Variants in PNPLA8 observed in about 807,000 individuals in gnomAD.
The protein encoded by PNPLA8 is patatin like domain 8, phospholipase A2, also known as calcium-independent phospholipase A2-gamma.
In PNPLA8, 39 loss-of-function variants were observed where a neutral mutation model predicts 76.9. The observed-to-expected ratio is 0.51, with a 90% CI of 0.39 to 0.66. The LOEUF (loss-of-function observed/expected upper bound fraction) is 0.66. Ranked by LOEUF, PNPLA8 falls within the 30% of genes least tolerant of loss-of-function variation. PNPLA8 has a pLI of 0.00. For missense variants in PNPLA8, 887 were observed against 918.0 expected (o/e 0.97, Z 0.44); for synonymous variants, 301 against 307.9 (o/e 0.98, Z 0.24).
intron 4 of PNPLA8, chr7:108,511,121 T>C (rs1372657494): frequency 1.6e-6 from 1 of 608,824 alleles, no homozygotes; most frequent in Non-Finnish European, 2.8e-6. Context: ...GTAAAATTTG[T>C]AAAATTTGCC....
At chr7:108,477,036 T>A (rs1468846519) in intron 10 of PNPLA8, among the ~76,000 whole-genome samples, 1 of 152,178 alleles carries the variant, frequency 6.6e-6, no homozygotes, top group East Asian at 1.9e-4. Flanking sequence ...CAGTTATGAC[T>A]ACCTACTAGA....
At chr7:108,493,250 C>T (rs1231768270) in intron 7 of PNPLA8, among the ~76,000 whole-genome samples, 1 of 151,736 alleles carries the variant, frequency 6.6e-6, no homozygotes, top group Admixed American at 6.6e-5. Flanking sequence ...GCCAGAAGAG[C>T]AAAAATGAGA....
chr7:108,477,154 A>C lies in PNPLA8; in HGVS notation c.2074+2030T>G, dbSNP rs1598864529. On this transcript the variant is annotated intron_variant, in intron 10 of 10. Coordinates refer to ENST00000257694, the MANE Select transcript of PNPLA8 (RefSeq NM_001256007.3). ...TTAAGTGTTCTTACCAGGCACACAC[A>C]AAATAGTAACTACGTCAGGTGACAG... 5.3e-5 allele frequency among the ~76,000 whole-genome samples: 8 copies of C among 152,338 alleles called. 2 individuals are homozygous for C. Among genetic ancestry groups the C allele is most frequent in the Admixed American group, 5.2e-4 (8 of 15,290 alleles).
chr7:108,526,129 A>C lies in PNPLA8; in HGVS notation c.-230T>G. The C allele has an allele frequency of 2.0e-6, 2 of 980,916 alleles. No homozygotes were observed. The highest frequency in any genetic ancestry group is 2.4e-6 in the Non-Finnish European group (2 of 825,690). 60.8% of individuals were successfully genotyped at this position (980,916 alleles called of 1,614,324 possible). The stretch of plus-strand genomic sequence containing the variant: ...CCTGCATCAGCTGAGCTTCCAACAC[A>C]AACACTGGCGCAGCAGCTAGGTCGC... On this transcript the variant is annotated 5_prime_UTR_variant, in exon 1 of 11. Transcript: ENST00000257694.
At chr7:108,481,610 T>C (rs1229482706) in intron 9 of PNPLA8, among the ~76,000 whole-genome samples, 1 of 152,234 alleles carries the variant, frequency 6.6e-6, no homozygotes, top group Non-Finnish European at 1.5e-5. Flanking sequence ...AATTTGCAAG[T>C]ATTTTCTTCC....
chr7:108,516,774 C>T (rs543583642), intron 2 of PNPLA8, among the ~76,000 whole-genome samples: 1 of 152,104 alleles, frequency 6.6e-6, no homozygotes, highest in African/African-American at 2.4e-5. Context: ...TGGTGGTGCA[C>T]GTCGGTAATC....
At chr7:108,480,624 C>T (rs757974566) in intron 9 of PNPLA8, 2 of 286,090 alleles carry the variant, frequency 7.0e-6, no homozygotes, top group Non-Finnish European at 1.5e-5. Context: ...CTTGGAATTA[C>T]CCTAGTTCAG....
At chr7:108,502,360 T>C (rs1033119395) in intron 5 of PNPLA8, 131 bp downstream of exon 5, 49 of 710,862 alleles carry the variant, frequency 6.9e-5, no homozygotes, top group Non-Finnish European at 1.0e-4. Context: ...GGAGAATCGC[T>C]TGAACCTGGG....
chr7:108,520,513 T>A (rs1863659847), intron 2 of PNPLA8, among the ~76,000 whole-genome samples: 1 of 152,098 alleles, frequency 6.6e-6, no homozygotes, highest in African/African-American at 2.4e-5. Flanking sequence ...TTAGAAGTAA[T>A]GAGTTATAGT....
rs1020852005 is a variant in PNPLA8, at chr7:108,510,650, G to C, written c.1206+3494C>G. 4 of 1,585,630 alleles carry C rather than the reference G, an allele frequency of 2.5e-6. No individual in the cohort carries two copies. In the African/African-American group the frequency reaches 4.0e-5, roughly 16 times the overall value. ...GCTGAGGATTGTAGAGCCATATATTGCATGGGGGTACCCCAATCTGAAGTC... is the reference window on the plus strand; with the variant it reads ...GCTGAGGATTGTAGAGCCATATATTCCATGGGGGTACCCCAATCTGAAGTC... On this transcript the variant is annotated intron_variant, in intron 4 of 10. Transcript: ENST00000257694.
chr7:108,492,157 T>G (rs142054371), intron 7 of PNPLA8, among the ~76,000 whole-genome samples: 3 of 152,362 alleles, frequency 2.0e-5, no homozygotes. Flanking sequence ...TTCACCAGCC[T>G]TCCTCATGAG....
chr7:108,515,703 T>A, intron 2 of PNPLA8, 129 bp from the exon 3 acceptor site: 2 of 371,946 alleles, frequency 5.4e-6, no homozygotes, highest in Non-Finnish European at 4.5e-6. Context: ...ATTCCTATTA[T>A]AGCTGATAGA....
intron 5 of PNPLA8, among the ~76,000 whole-genome samples, chr7:108,500,320 T>C (rs574468627): frequency 2.0e-3 from 311 of 152,308 alleles, no homozygotes; most frequent in Non-Finnish European, 3.5e-3. Context: ...ACTAGAATAA[T>C]CTCTCCAGTT....
chr7:108,515,320 T>C lies in PNPLA8; in HGVS notation c.172A>G (p.Lys58Glu), dbSNP rs543336680. Residue 58 changes from lysine to glutamate, a missense_variant, in exon 3 of 11, where the codon AAA becomes GAA. Physicochemically the swap from Lys to Glu is moderately conservative, Grantham distance 56 (BLOSUM62 1). Coordinates refer to ENST00000257694, the MANE Select transcript of PNPLA8 (RefSeq NM_001256007.3). ...RGFHTNIIRC[K>E]WTKSEAHSCS... Reference sequence around the variant, plus strand: ...GAATGTGCTTCACTTTTGGTCCATTTACATCTTATTATGTTTGTATGAAAA... The same window carrying C: ...GAATGTGCTTCACTTTTGGTCCATTCACATCTTATTATGTTTGTATGAAAA... 1 of 1,613,456 alleles carries C rather than the reference T, an allele frequency of 6.2e-7. No homozygotes were observed. The highest frequency in any genetic ancestry group is 1.7e-5 in the Admixed American group (1 of 59,800).
chr7:108,487,151 A>G (rs1181083291), intron 9 of PNPLA8, among the ~76,000 whole-genome samples: 3 of 152,194 alleles, frequency 2.0e-5, no homozygotes, highest in Non-Finnish European at 4.4e-5. Context: ...GTACACATGA[A>G]TTTAAAAGAG....
chr7:108,489,066 CAT>C (rs1179155750), intron 8 of PNPLA8, among the ~76,000 whole-genome samples: 1 of 152,208 alleles, frequency 6.6e-6, no homozygotes, highest in African/African-American at 2.4e-5. Context: ...ATTAAGAAAA[CAT>C]ATGAGTGGCT....
In PNPLA8 at chr7:108,518,495, T is replaced by G. The variant is rs532353456; in HGVS notation, c.-83-2921A>C. ...ACCAGGAATGAACCCAAATGTACAC[T>G]ATGAACTTGGGGGACTGCGTGTGAA... On this transcript the variant is annotated intron_variant, in intron 2 of 10. Transcript: ENST00000257694. Among the ~76,000 whole-genome samples, 184 of 152,022 alleles carry G rather than the reference T, an allele frequency of 1.2e-3. 1 individual carries two copies. The highest frequency in any genetic ancestry group is 4.3e-3 in the African/African-American group (178 of 41,468).
At chr7:108,477,732 T>C (rs937128365) in intron 10 of PNPLA8, among the ~76,000 whole-genome samples, 1 of 151,910 alleles carries the variant, frequency 6.6e-6, no homozygotes, top group African/African-American at 2.4e-5. Context: ...GGTGCAATGG[T>C]ATGCACCTGT....
rs2154515603 is a variant in PNPLA8 at position 108,496,682 on chromosome 7, T to C, written c.1527A>G (p.Leu509=). ...LDECEELYRK[L]GSDVFSQNVI... is the part of the protein sequence containing the mutation. The stretch of plus-strand genomic sequence containing the variant: ...CATTTTGTGAAAATACATCTGATCC[T>C]AATTTTCGATAAAGTTCCTCACATT... The change falls in exon 7 of 11, where the codon TTA becomes TTG. Residue 509 remains leucine, a synonymous_variant. Coordinates refer to ENST00000257694, the MANE Select transcript of PNPLA8 (RefSeq NM_001256007.3). The C allele has an allele frequency of 6.2e-7, 1 of 1,611,678 alleles. No individual in the cohort carries two copies. Among genetic ancestry groups the C allele is most frequent in the Non-Finnish European group, 8.5e-7 (1 of 1,178,478 alleles).
Sources: gnomAD v4.1 joint callset for allele counts (sites outside exome capture counted in the v4.1 genomes callset) on GRCh38, gnomAD v4.1.1 for gene constraint, MANE v1.5 for transcripts, NCBI Gene and HGNC (gene_info 2026-07-23, HGNC 2026-07-21) for gene names.